Variants in RASEF observed in about 807,000 individuals in gnomAD.
RASEF encodes the protein RAS and EF-hand domain containing.
Under a neutral mutation model 90.1 loss-of-function variants are expected in RASEF, and 68 were observed. The observed-to-expected ratio is 0.75, with a 90% CI of 0.62 to 0.92. The LOEUF (loss-of-function observed/expected upper bound fraction) is 0.92. Among genes scored for constraint, RASEF ranks in the 40% least tolerant of loss-of-function variants. The probability of loss-of-function intolerance (pLI) is 0.00; values close to 1 mark genes in which losing one functional copy is unlikely to be tolerated. For missense variants in RASEF, 949 were observed against 937.2 expected (o/e 1.01, Z -0.16); for synonymous variants, 331 against 345.2 (o/e 0.96, Z 0.46).
At chr9:83,087,734 A>AT in the RASEF span, among the ~76,000 whole-genome samples, 7 of 151,748 alleles carry the variant, frequency 4.6e-5, no homozygotes, top group South Asian at 4.2e-4. Context: ...GGTTTTATTC[A>AT]TTTTTTCTAT....
the RASEF span, among the ~76,000 whole-genome samples, chr9:83,114,925 G>A: frequency 6.6e-6 from 1 of 152,130 alleles, no homozygotes; most frequent in African/African-American, 2.4e-5. Context: ...TGAAGAATGT[G>A]ATCTCTGTGA....
chr9:83,162,242 C>T, the RASEF span, among the ~76,000 whole-genome samples: 23 of 152,078 alleles, frequency 1.5e-4, no homozygotes, highest in East Asian at 1.7e-3. Context: ...ATCAATTAAA[C>T]GTGTCAATAA....
chr9:83,096,212 C>G, the RASEF span, among the ~76,000 whole-genome samples: 35 of 152,080 alleles, frequency 2.3e-4, no homozygotes, highest in African/African-American at 8.5e-4. Context: ...CTTTTCTAAG[C>G]AAGAAAAGAA....
At position 83,004,544 on chromosome 9, in the gene RASEF, T is replaced by C. The variant is rs775138870; in HGVS notation, c.1156A>G (p.Ser386Gly). The change falls in exon 9 of 17, where the codon AGT (serine) becomes GGT (glycine). Residue 386 changes from serine to glycine, a missense_variant. By Grantham distance (56) the Ser-to-Gly change is moderately conservative. This residue lies in a region of RASEF where 656 missense variants were observed against 592.2 expected (regional missense o/e 1.11). Coordinates refer to ENST00000376447, the MANE Select transcript of RASEF (RefSeq NM_152573.4). The stretch of plus-strand genomic sequence containing the variant: ...GGGGAATGACCAATGAATTTGGGAC[T>C]GCTTCTAGAAATTGTATTCCCTGGT... ...ISPGNTISRS[S>G]PKFIGHSPQP... 4 of 1,602,468 alleles carry C rather than the reference T, an allele frequency of 2.5e-6. No homozygotes were observed. Among genetic ancestry groups the C allele is most frequent in the African/African-American group, 2.7e-5 (2 of 74,698 alleles).
At chr9:83,078,084 T>G in the RASEF span, among the ~76,000 whole-genome samples, 1 of 152,132 alleles carries the variant, frequency 6.6e-6, no homozygotes, top group African/African-American at 2.4e-5. Context: ...CCTGGGAAAT[T>G]GTTAGAAACT....
intron 13 of RASEF, among the ~76,000 whole-genome samples, chr9:82,997,944 G>T (rs1828951492): frequency 1.3e-5 from 2 of 152,288 alleles, no homozygotes; most frequent in East Asian, 3.9e-4. Context: ...GCAAGGTAAA[G>T]TGCCATCACC....
rs528763126 is a variant in RASEF, at chr9:83,046,889, T to C, written c.431+15548A>G. On this transcript the variant is annotated intron_variant, in intron 1 of 16. Coordinates refer to ENST00000376447, the MANE Select transcript of RASEF (RefSeq NM_152573.4). ...TAACAATAGGTGATACTTTCACCAC[T>C]GCATTCGGATTTCAGAATAAATAAC... Among the ~76,000 whole-genome samples the C allele has an allele frequency of 1.1e-4, 17 of 152,356 alleles. 1 individual carries two copies. The South Asian group carries it at 3.5e-3, about 32-fold the overall frequency.
intron 1 of RASEF, among the ~76,000 whole-genome samples, chr9:83,045,198 CAT>C (rs1829906641): frequency 6.6e-6 from 1 of 152,120 alleles, no homozygotes; most frequent in Non-Finnish European, 1.5e-5. Flanking sequence ...TGTATGTACA[CAT>C]ACACACATCT....
At chr9:83,151,954 G>A in the RASEF span, among the ~76,000 whole-genome samples, 13 of 152,150 alleles carry the variant, frequency 8.5e-5, no homozygotes, top group Admixed American at 5.2e-4. Context: ...CCAAAACACG[G>A]CGTCGCAAAA....
chr9:82,996,929 T>G (rs1828931579), intron 14 of RASEF, 83 bp downstream of exon 14: 2 of 795,118 alleles, frequency 2.5e-6, no homozygotes, highest in African/African-American at 1.7e-5. Context: ...AAGTTCATTC[T>G]GACAAAGAAG....
chr9:82,991,121 A>G (rs1008171), intron 15 of RASEF, among the ~76,000 whole-genome samples: 5 of 151,712 alleles, frequency 3.3e-5, no homozygotes, highest in Admixed American at 6.6e-5. Context: ...CTCATCCCCC[A>G]CTCACTCACA....
the RASEF span, among the ~76,000 whole-genome samples, chr9:83,172,332 C>T: frequency 6.6e-6 from 1 of 151,640 alleles, no homozygotes; most frequent in Admixed American, 6.6e-5. Flanking sequence ...AATTGGACTA[C>T]TCTACATCTT....
intron 3 of RASEF, among the ~76,000 whole-genome samples, chr9:83,018,273 A>T (rs768564271): frequency 2.0e-5 from 3 of 152,220 alleles, no homozygotes; most frequent in Non-Finnish European, 2.9e-5. Flanking sequence ...AATGTAAGCA[A>T]TGCTACAGAA....
intron 8 of RASEF, among the ~76,000 whole-genome samples, chr9:83,004,802 C>T (rs1284612131): frequency 6.6e-6 from 1 of 152,192 alleles, no homozygotes; most frequent in Non-Finnish European, 1.5e-5. Context: ...CTCTCCTCCT[C>T]ATCCTATCTT....
chr9:83,160,201 A>G, the RASEF span, among the ~76,000 whole-genome samples: 1 of 152,178 alleles, frequency 6.6e-6, no homozygotes, highest in East Asian at 1.9e-4. Flanking sequence ...TAAGAGGCTG[A>G]GGTTGGAACA....
At chr9:83,106,033 C>A in the RASEF span, among the ~76,000 whole-genome samples, 1 of 152,094 alleles carries the variant, frequency 6.6e-6, no homozygotes. Context: ...TCAGGAATAC[C>A]CAAAATATAA....
chr9:83,003,366 C>T (rs939604054), intron 9 of RASEF, among the ~76,000 whole-genome samples: 3 of 152,116 alleles, frequency 2.0e-5, no homozygotes, highest in African/African-American at 4.8e-5. Context: ...CGTTGATGAG[C>T]TCTACTCCAG....
chr9:83,043,660 C>T (rs1229119175), intron 1 of RASEF, among the ~76,000 whole-genome samples: 1 of 152,078 alleles, frequency 6.6e-6, no homozygotes, highest in Non-Finnish European at 1.5e-5. Flanking sequence ...CCAGAAGCAC[C>T]CCCAGGCAAA....
intron 2 of RASEF, among the ~76,000 whole-genome samples, chr9:83,023,215 T>A (rs562098019): frequency 2.6e-5 from 4 of 152,338 alleles, no homozygotes; most frequent in African/African-American, 7.2e-5. Flanking sequence ...ATCTCAATCA[T>A]TATTCTTATT....
Sources: allele counts gnomAD v4.1 joint callset (sites outside exome capture counted in the v4.1 genomes callset), GRCh38; gene constraint gnomAD v4.1.1; regional missense constraint gnomAD v4.1.1; transcripts MANE v1.5; gene names NCBI Gene and HGNC (gene_info 2026-07-23, HGNC 2026-07-21).